Variants in SGF29 observed in about 807,000 individuals in gnomAD.
The protein encoded by SGF29 is SAGA complex associated factor 29.
Under a neutral mutation model 38.1 loss-of-function variants are expected in SGF29, and 15 were observed. The ratio of observed to expected loss-of-function variants is 0.39; its 90% CI spans 0.26 to 0.61. SGF29 has a LOEUF of 0.61. SGF29 is among the 20% of genes least tolerant of loss of function. The probability of loss-of-function intolerance (pLI) is 0.49; values close to 1 mark genes in which losing one functional copy is unlikely to be tolerated. For synonymous variants in SGF29, 151 were observed against 160.8 expected (o/e 0.94, Z 0.46); for missense variants, 184 against 394.6 (o/e 0.47, Z 4.52).
intron 1 of SGF29, among the ~76,000 whole-genome samples, chr16:28,564,708 C>CCT (rs1555474883): frequency 4.0e-5 from 2 of 50,238 alleles, no homozygotes; most frequent in African/African-American, 1.1e-4. Flanking sequence ...TATATATATA[C>CCT]ATATATATGT....
At chr16:28,566,999 T>C (rs80222714) in intron 1 of SGF29, among the ~76,000 whole-genome samples, 2 of 152,138 alleles carry the variant, frequency 1.3e-5, no homozygotes, top group Non-Finnish European at 2.9e-5. Context: ...TACATTCAAT[T>C]ATAAAATCAT....
chr16:28,568,216 C>T (rs2046844919), intron 1 of SGF29, among the ~76,000 whole-genome samples: 1 of 145,014 alleles, frequency 6.9e-6, no homozygotes, highest in Admixed American at 7.3e-5. Flanking sequence ...AGGAGGCTGA[C>T]GTAGGAGAAT....
intron 1 of SGF29, among the ~76,000 whole-genome samples, chr16:28,564,755 GTATATATGTATATATATGTATATA>G (rs2046824596): frequency 1.2e-5 from 1 of 86,782 alleles, no homozygotes; most frequent in Non-Finnish European, 2.3e-5. Context: ...GTATATATAT[GTATATATGTATATATATGTATATA>G]TATATATACA....
At chr16:28,589,194 C>T in intron 5 of SGF29, 30 bp downstream of exon 5, 1 of 1,612,612 alleles carries the variant, frequency 6.2e-7, no homozygotes, top group Non-Finnish European at 8.5e-7. Context: ...CTGGGAGGTC[C>T]TTTGCTAGGA....
chr16:28,575,059 C>T (rs1326870228), intron 1 of SGF29, among the ~76,000 whole-genome samples: 1 of 152,124 alleles, frequency 6.6e-6, no homozygotes, highest in Non-Finnish European at 1.5e-5. Flanking sequence ...TGGGGTCACA[C>T]CATCTTGATG....
rs200404862 is a variant in SGF29, at chr16:28,568,919, GA to G, written c.-15-12124del. Among the ~76,000 whole-genome samples, 1,258 of 129,098 alleles carry G rather than the reference GA, an allele frequency of 9.7e-3. 22 individuals carry two copies. The highest frequency in any genetic ancestry group is 0.03 in the African/African-American group (1,044 of 35,070). 84.7% of individuals were successfully genotyped at this position (129,098 alleles called of 152,430 possible). A position where few individuals can be genotyped will look rare whatever the true frequency, so the allele number is the denominator to read the frequency against. On this transcript the variant is annotated intron_variant, in intron 1 of 9. Coordinates refer to ENST00000317058, the MANE Select transcript of SGF29 (RefSeq NM_138414.3). Reference sequence around the variant, plus strand: ...AGAGTAAGACTCCATCTCAAAAAAAGAAAAAAAAAAAATACAAAATTAGACG... The same window carrying G: ...AGAGTAAGACTCCATCTCAAAAAAAGAAAAAAAAAAATACAAAATTAGACG...
intron 1 of SGF29, among the ~76,000 whole-genome samples, chr16:28,567,643 C>A (rs921827218): frequency 3.3e-5 from 5 of 152,102 alleles, no homozygotes; most frequent in Non-Finnish European, 7.3e-5. Flanking sequence ...GGTAAGGGCA[C>A]AGGAGGAGAG....
At chr16:28,572,080 C>T (rs546831184) in intron 1 of SGF29, among the ~76,000 whole-genome samples, 5 of 150,728 alleles carry the variant, frequency 3.3e-5, no homozygotes, top group South Asian at 2.1e-4. Context: ...CCCGGGTTCA[C>T]GCCATTCTGC....
intron 2 of SGF29, among the ~76,000 whole-genome samples, chr16:28,583,184 C>G (rs1270363042): frequency 6.6e-6 from 1 of 152,240 alleles, no homozygotes; most frequent in African/African-American, 2.4e-5. Context: ...CTCTCTCAGC[C>G]TCTCTTGAGG....
intron 1 of SGF29, among the ~76,000 whole-genome samples, chr16:28,567,532 T>C (rs2046842221): frequency 6.6e-6 from 1 of 152,178 alleles, no homozygotes; most frequent in South Asian, 2.1e-4. Context: ...CCTGAAGATA[T>C]GGAAGCAGCT....
intron 1 of SGF29, among the ~76,000 whole-genome samples, chr16:28,557,697 GA>G (rs1349539066): frequency 2.0e-5 from 3 of 152,188 alleles, no homozygotes; most frequent in African/African-American, 7.2e-5. Flanking sequence ...TGTCTGGGTG[GA>G]TAGTGTTGGA....
Position 28,590,316 on chromosome 16 carries a change from C to T in SGF29, c.440C>T (p.Ala147Val). The change falls in exon 7 of 10, where the codon GCC (alanine) becomes GTC (valine). Residue 147 changes from alanine to valine, a missense_variant. Ala to Val is a moderately conservative substitution (Grantham distance 64). This residue lies in a region of SGF29 where 107 missense variants were observed against 276.9 expected (regional missense o/e 0.39). Coordinates refer to ENST00000317058, the MANE Select transcript of SGF29 (RefSeq NM_138414.3). This position sits in a 1 kb window ranked among gnomAD's most constrained non-coding sequence, Gnocchi z 8.2. ...CACAGGCCCCCACCCCTCTGTGGGG[C>T]CATCCCTGCCTCAGGAGACTACGTG... ...PGDKPPPLCGAIPASGDYVAR... is the reference protein window; with the variant it reads ...PGDKPPPLCGVIPASGDYVAR... 1 of 1,611,132 alleles carries T rather than the reference C, an allele frequency of 6.2e-7. No individual in the cohort carries two copies. Among genetic ancestry groups the T allele is most frequent in the Non-Finnish European group, 8.5e-7 (1 of 1,178,684 alleles).
intron 1 of SGF29, among the ~76,000 whole-genome samples, chr16:28,556,595 C>G (rs888206676): frequency 6.6e-6 from 1 of 152,176 alleles, no homozygotes; most frequent in Non-Finnish European, 1.5e-5. Flanking sequence ...GATCTGCCGG[C>G]CTTGGCCTCC....
At chr16:28,591,261 T>C (rs2046988921) in intron 9 of SGF29, among the ~76,000 whole-genome samples, 1 of 152,050 alleles carries the variant, frequency 6.6e-6, no homozygotes, top group Admixed American at 6.5e-5. Flanking sequence ...GAGGCCAGGA[T>C]CCCTGCCTGC....
intron 3 of SGF29, 97 bp downstream of exon 3, chr16:28,585,085 T>C: frequency 1.1e-6 from 1 of 934,956 alleles, no homozygotes; most frequent in South Asian, 1.5e-5. Context: ...TCAAAATAGA[T>C]TTGCATGTAT....
rs2046983343 is a variant in SGF29 at position 28,590,599 on chromosome 16, T to C, written c.567-32T>C. On this transcript the variant is annotated intron_variant, in intron 7 of 9. Coordinates refer to ENST00000317058, the MANE Select transcript of SGF29 (RefSeq NM_138414.3). This position sits in a 1 kb window ranked among gnomAD's most constrained non-coding sequence, Gnocchi z 8.2. ...CCCCAACAGGTACTGCGCCCCTGGC[T>C]GCATCCAGCCTTTTCCTCCTTTTGT... is the stretch of plus-strand genomic sequence containing the variant. The C allele has an allele frequency of 1.9e-6, 3 of 1,612,962 alleles. No homozygotes were observed. Among genetic ancestry groups the C allele is most frequent in the South Asian group, 2.2e-5 (2 of 91,046 alleles).
At chr16:28,564,744 T>TATAC (rs1491350655) in intron 1 of SGF29, among the ~76,000 whole-genome samples, 14 of 6,574 alleles carry the variant, frequency 2.1e-3, no homozygotes, top group Non-Finnish European at 4.3e-3. Flanking sequence ...TATGTATATA[T>TATAC]GTATATATAT....
At chr16:28,564,673 A>G (rs557631) in intron 1 of SGF29, among the ~76,000 whole-genome samples, 3 of 85,762 alleles carry the variant, frequency 3.5e-5, no homozygotes, top group Non-Finnish European at 4.7e-5. Context: ...ATGCATATAT[A>G]TGTATATATA....
chr16:28,563,419 C>T (rs1353339287), intron 1 of SGF29, among the ~76,000 whole-genome samples: 1 of 152,136 alleles, frequency 6.6e-6, no homozygotes, highest in Non-Finnish European at 1.5e-5. Context: ...AGGCACTACC[C>T]AGTAGGCACA....
Sources: allele counts gnomAD v4.1 joint callset (sites outside exome capture counted in the v4.1 genomes callset), GRCh38; gene constraint gnomAD v4.1.1; regional missense constraint gnomAD v4.1.1; non-coding constraint Gnocchi (gnomAD v3.1); transcripts MANE v1.5; gene names NCBI Gene and HGNC (gene_info 2026-07-23, HGNC 2026-07-21).